The following KALRN variants were observed in gnomAD, a reference collection of about 807,000 sequenced individuals.
The protein encoded by KALRN is kalirin RhoGEF kinase.
KALRN carries 70 observed loss-of-function variants against 353.7 expected under a neutral mutation model. That is an observed-to-expected ratio of 0.20 (90% CI 0.16 to 0.24). The LOEUF (loss-of-function observed/expected upper bound fraction) is 0.24, where lower values mean the gene tolerates loss of function less well. KALRN is among the 10% of genes least tolerant of loss of function. The pLI is 1.00. For synonymous variants in KALRN, 1,391 were observed against 1,434.8 expected, an observed-to-expected ratio of 0.97 and a Z score of 0.69; for missense variants, 2,791 against 3,756.7, an observed-to-expected ratio of 0.74 and a Z score of 6.72.
intron 10 of KALRN, among the ~76,000 whole-genome samples, chr3:124,371,033 A>C (rs1482521173): frequency 6.6e-6 from 1 of 152,220 alleles, no homozygotes; most frequent in Non-Finnish European, 1.5e-5. Context: ...TAAAGCATAA[A>C]TAATTTCACC....
chr3:124,694,251 A>T, intron 52 of KALRN, 81 bp from the exon 53 acceptor site: 1 of 1,318,544 alleles, frequency 7.6e-7, no homozygotes, highest in South Asian at 1.3e-5. Context: ...GTGGGAAATG[A>T]GAGAGGTGTG....
At chr3:124,210,413 A>G (rs1010760712) in intron 1 of KALRN, among the ~76,000 whole-genome samples, 3 of 152,110 alleles carry the variant, frequency 2.0e-5, no homozygotes, top group Non-Finnish European at 4.4e-5. Flanking sequence ...TTTGCAATTC[A>G]CTAAATATGG....
intron 1 of KALRN, among the ~76,000 whole-genome samples, chr3:124,135,149 G>A (rs2065777971): frequency 6.6e-6 from 1 of 152,084 alleles, no homozygotes; most frequent in South Asian, 2.1e-4. Context: ...ATCAATGAGT[G>A]GATAAAGAAA....
chr3:124,544,799 T>G (rs2069446078), intron 33 of KALRN, among the ~76,000 whole-genome samples: 1 of 152,184 alleles, frequency 6.6e-6, no homozygotes, highest in African/African-American at 2.4e-5. Flanking sequence ...AAGCACTTTG[T>G]AAGTATTGTT....
intron 34 of KALRN, among the ~76,000 whole-genome samples, chr3:124,595,684 C>T (rs2076202687): frequency 6.6e-6 from 1 of 152,060 alleles, no homozygotes; most frequent in Non-Finnish European, 1.5e-5. Flanking sequence ...TACCAAGTAC[C>T]CTCAGTTTCA....
rs75295404 is a variant in KALRN, at chr3:124,278,147, A to G, written c.969+8892A>G. ...TCTCTACTCTTACCCTAGGCCTTGG[A>G]TGGAGGATAGTGTAGGGCAGTGCAG... On this transcript the variant is annotated intron_variant, in intron 5 of 59. Transcript: ENST00000682506. 2.6e-5 allele frequency among the ~76,000 whole-genome samples: 4 copies of G among 151,228 alleles called. No individual in the cohort carries two copies. The East Asian group carries it at 8.2e-4, about 31-fold the overall frequency.
At position 124,094,536 on chromosome 3, in the gene KALRN, C is replaced by T. The variant is rs1468788406; in HGVS notation, c.73+60723C>T. 5 of 439,516 alleles carry T rather than the reference C, an allele frequency of 1.1e-5. No individual in the cohort carries two copies. In the East Asian group the frequency reaches 1.3e-4, roughly 11 times the overall value. The allele number at this position is 439,516 out of a possible 1,614,324, so 27.2% of individuals were successfully genotyped here. On this transcript the variant is annotated intron_variant, in intron 1 of 59. Coordinates refer to ENST00000682506, the MANE Select transcript of KALRN (RefSeq NM_001388419.1). ...TCATTCTCAAGACCACTGCAAACCTCGCGTCTTTGCGAAAACCCTTCCTGA... is the reference window on the plus strand; with the variant it reads ...TCATTCTCAAGACCACTGCAAACCTTGCGTCTTTGCGAAAACCCTTCCTGA...
intron 58 of KALRN, among the ~76,000 whole-genome samples, chr3:124,716,196 GTTGGA>G (rs2063125548): frequency 6.6e-6 from 1 of 152,116 alleles, no homozygotes; most frequent in Admixed American, 6.6e-5. Context: ...AGTTCTCAAG[GTTGGA>G]AAAGTTGCCC....
intron 10 of KALRN, among the ~76,000 whole-genome samples, chr3:124,354,377 C>T (rs1021335930): frequency 1.4e-4 from 22 of 152,144 alleles, no homozygotes; most frequent in Admixed American, 2.0e-4. Context: ...CTGTGTTCTA[C>T]AGAGCCAGGA....
Position 124,236,106 on chromosome 3 carries a change from C to T in KALRN, c.263+1163C>T, listed in dbSNP as rs189986650. ...TGGAATTGTGAGCCCTGAAGAACTT[C>T]GGGCAGAAGACTGAACAAGTAGATG... is the stretch of plus-strand genomic sequence containing the variant. On this transcript the variant is annotated intron_variant, in intron 3 of 59. Transcript: ENST00000682506. 2.9e-4 allele frequency among the ~76,000 whole-genome samples: 43 copies of T among 150,604 alleles called. 1 individual carries two copies. The highest frequency in any genetic ancestry group is 9.2e-4 in the Admixed American group (14 of 15,140).
chr3:124,082,608 C>A (rs528445801), intron 1 of KALRN, among the ~76,000 whole-genome samples: 1 of 152,188 alleles, frequency 6.6e-6, no homozygotes, highest in Admixed American at 6.5e-5. Flanking sequence ...TCCCTTTACT[C>A]TGGGCACTAT....
At chr3:124,460,042 C>G (rs559382712) in intron 23 of KALRN, among the ~76,000 whole-genome samples, 2 of 152,304 alleles carry the variant, frequency 1.3e-5, no homozygotes, top group African/African-American at 4.8e-5. Flanking sequence ...TTCCAGGCCT[C>G]TCTCCTTGAT....
In KALRN at chr3:124,719,723, G is replaced by A. The variant is rs1023216957; in HGVS notation, c.*253G>A. On this transcript the variant is annotated 3_prime_UTR_variant, in exon 60 of 60. Coordinates refer to ENST00000682506, the MANE Select transcript of KALRN (RefSeq NM_001388419.1). The surrounding 1 kb of genome is among the most constrained non-coding windows in gnomAD (Gnocchi z 5.3). ...AGGGTCACAGAAGTGTTCAGAAGAA[G>A]GGCAAAGATAAGAACAATATTAGCT... is the stretch of plus-strand genomic sequence containing the variant. The A allele has an allele frequency of 4.7e-6, 2 of 428,290 alleles. No homozygotes were observed. The highest frequency in any genetic ancestry group is 3.9e-5 in the East Asian group (1 of 25,734). The allele number at this position is 428,290 out of a possible 1,614,324, so 26.5% of individuals were successfully genotyped here.
At position 124,195,607 on chromosome 3, in the gene KALRN, G is replaced by C. The variant is rs954331597; in HGVS notation, c.74-32383G>C. Among the ~76,000 whole-genome samples, 6 of 152,278 alleles carry C rather than the reference G, an allele frequency of 3.9e-5. No individual in the cohort carries two copies. In the South Asian group the frequency reaches 8.3e-4, roughly 21 times the overall value. On this transcript the variant is annotated intron_variant, in intron 1 of 59. Transcript: ENST00000682506. ...CCTAAAAGGGGAAGGTCTTGAAATAGAGAACCTCACTGAACCATGCCCCTG... is the reference window on the plus strand; with the variant it reads ...CCTAAAAGGGGAAGGTCTTGAAATACAGAACCTCACTGAACCATGCCCCTG...
chr3:124,302,191 T>C (rs34091554), intron 6 of KALRN, among the ~76,000 whole-genome samples: 30,286 of 152,212 alleles, frequency 0.2, 3,105 homozygotes, highest in South Asian at 0.29. Context: ...TATTGGATAC[T>C]GAGCATATAG....
At position 124,033,679 on chromosome 3, in the gene KALRN, G is replaced by T. The variant is rs1009982070; in HGVS notation, c.-62G>T. 1.3e-5 allele frequency among the ~76,000 whole-genome samples: 2 copies of T among 151,554 alleles called. No individual in the cohort carries two copies. Among genetic ancestry groups the T allele is most frequent in the Admixed American group, 1.3e-4 (2 of 15,270 alleles). On this transcript the variant is annotated 5_prime_UTR_variant, in exon 1 of 60. Coordinates refer to ENST00000682506, the MANE Select transcript of KALRN (RefSeq NM_001388419.1). This position sits in a 1 kb window ranked among gnomAD's most constrained non-coding sequence, Gnocchi z 6.2. ...CCGCGCCCTCCGCCCACCGGGCGCC[G>T]AGCAGCCCTCGGCCCCAGGCTTCTT...
chr3:124,220,342 G>C (rs1333545118), intron 1 of KALRN, among the ~76,000 whole-genome samples: 1 of 152,038 alleles, frequency 6.6e-6, no homozygotes, highest in African/African-American at 2.4e-5. Context: ...TCTATAAAGA[G>C]GAGACAGGAA....
chr3:124,630,662 T>C (rs2080668843), intron 34 of KALRN, among the ~76,000 whole-genome samples: 1 of 152,192 alleles, frequency 6.6e-6, no homozygotes, highest in African/African-American at 2.4e-5. Flanking sequence ...TCTTTAAGTC[T>C]GCAGTTTCTT....
intron 57 of KALRN, among the ~76,000 whole-genome samples, chr3:124,702,888 C>T (rs2062410406): frequency 1.3e-5 from 2 of 152,018 alleles, no homozygotes. Context: ...TGACTTTTAA[C>T]AGAAAAATTA....
Sources: allele counts gnomAD v4.1 joint callset (sites outside exome capture counted in the v4.1 genomes callset), GRCh38; gene constraint gnomAD v4.1.1; non-coding constraint Gnocchi (gnomAD v3.1); transcripts MANE v1.5; gene names NCBI Gene and HGNC (gene_info 2026-07-23, HGNC 2026-07-21).